Variants in CEP85 observed in about 807,000 individuals in gnomAD.
CEP85 encodes centrosomal protein 85.
A neutral mutation model predicts 93.7 loss-of-function variants in CEP85; 58 were observed. The observed-to-expected ratio is 0.62, with a 90% CI of 0.50 to 0.77. The LOEUF is 0.77. CEP85 is among the 30% of genes least tolerant of loss of function. CEP85 has a pLI of 0.00. For missense variants in CEP85, 868 were observed against 922.0 expected (o/e 0.94, Z 0.76); for synonymous variants, 314 against 338.6 (o/e 0.93, Z 0.80).
intron 7 of CEP85, among the ~76,000 whole-genome samples, chr1:26,267,610 G>A (rs1483817302): frequency 2.6e-5 from 4 of 152,136 alleles, no homozygotes; most frequent in Non-Finnish European, 4.4e-5. Flanking sequence ...AATGACATAG[G>A]GTGAGGTCCA....
intron 1 of CEP85, among the ~76,000 whole-genome samples, chr1:26,235,310 A>G (rs145068229): frequency 0.017 from 2,632 of 152,264 alleles, 46 homozygotes; most frequent in Non-Finnish European, 0.025. Flanking sequence ...TTTGCCCTCA[A>G]ACCTTGTCTG....
chr1:26,271,933 G>A (rs2089980490), intron 10 of CEP85, 88 bp from the exon 11 acceptor site: 1 of 1,107,510 alleles, frequency 9.0e-7, no homozygotes, highest in African/African-American at 1.5e-5. Flanking sequence ...CTAATAGCCA[G>A]ACCACATGTC....
rs2089570197 is a variant in CEP85 at position 26,249,465 on chromosome 1, T to G, written c.208+5147T>G. 2.0e-5 allele frequency among the ~76,000 whole-genome samples: 3 copies of G among 152,368 alleles called. No individual in the cohort carries two copies. In the South Asian group the frequency reaches 6.2e-4, roughly 32 times the overall value. On this transcript the variant is annotated intron_variant, in intron 3 of 13. Transcript: ENST00000451429. ...GAACCCCTGTGACTGGTATACAGTATAGTTCATTGTTGCATCTTTAAATTT... is the reference window on the plus strand; with the variant it reads ...GAACCCCTGTGACTGGTATACAGTAGAGTTCATTGTTGCATCTTTAAATTT...
chr1:26,261,817 A>C (rs566722763), intron 7 of CEP85, among the ~76,000 whole-genome samples: 1 of 151,862 alleles, frequency 6.6e-6, no homozygotes, highest in African/African-American at 2.4e-5. Context: ...TTCAATTTTT[A>C]TTTCTGCATG....
chr1:26,255,833 G>A lies in CEP85; in HGVS notation c.871G>A (p.Glu291Lys). The A allele has an allele frequency of 6.2e-7, 1 of 1,612,276 alleles. No homozygotes were observed. Among genetic ancestry groups the A allele is most frequent in the Non-Finnish European group, 8.5e-7 (1 of 1,178,716 alleles). Residue 291 changes from glutamate to lysine, a missense_variant, in exon 4 of 14, where the codon GAA becomes AAA. Physicochemically the swap from Glu to Lys is moderately conservative, Grantham distance 56. Transcript: ENST00000451429. Reference sequence around the variant, plus strand: ...ACTCAGCACTTGTCGGCAGCAGCTGGAATTGATTCGTTTACAGATGGAGCA... The same window carrying A: ...ACTCAGCACTTGTCGGCAGCAGCTGAAATTGATTCGTTTACAGATGGAGCA... The part of the protein sequence containing the change: ...CELSTCRQQL[E>K]LIRLQMEQMQ...
chr1:26,250,700 GT>G (rs2089592655), intron 3 of CEP85, among the ~76,000 whole-genome samples: 1 of 152,024 alleles, frequency 6.6e-6, no homozygotes, highest in South Asian at 2.1e-4. Flanking sequence ...CTTGGCTTTG[GT>G]TTTGGCATTA....
chr1:26,267,902 C>A (rs1009210515), intron 7 of CEP85, among the ~76,000 whole-genome samples: 1 of 152,202 alleles, frequency 6.6e-6, no homozygotes, highest in African/African-American at 2.4e-5. Context: ...ATCTGGCCCA[C>A]TCCTGTCCAA....
At chr1:26,250,598 A>C (rs1388496297) in intron 3 of CEP85, among the ~76,000 whole-genome samples, 1 of 152,244 alleles carries the variant, frequency 6.6e-6, no homozygotes, top group East Asian at 1.9e-4. Context: ...AAATGTGGAC[A>C]AAGACCTCAC....
intron 11 of CEP85, among the ~76,000 whole-genome samples, chr1:26,274,731 G>A (rs1484515443): frequency 6.6e-6 from 1 of 152,202 alleles, no homozygotes; most frequent in Non-Finnish European, 1.5e-5. Context: ...GTAGGTAGGA[G>A]CTACAGTGGC....
intron 1 of CEP85, among the ~76,000 whole-genome samples, chr1:26,234,825 G>A (rs1323142701): frequency 6.6e-6 from 1 of 152,218 alleles, no homozygotes; most frequent in East Asian, 1.9e-4. Context: ...ACTTGGCGGG[G>A]CCTTACCCCG....
intron 10 of CEP85, chr1:26,271,350 G>A (rs2089973217): frequency 2.4e-6 from 1 of 410,772 alleles, no homozygotes; most frequent in Non-Finnish European, 4.5e-6. Flanking sequence ...ATATGCCTCT[G>A]AATATCTAGA....
chr1:26,261,508 A>G (rs2089807973), intron 7 of CEP85, among the ~76,000 whole-genome samples: 1 of 152,150 alleles, frequency 6.6e-6, no homozygotes, highest in Non-Finnish European at 1.5e-5. Flanking sequence ...GTGAGTTTAA[A>G]AAAATAATAA....
At position 26,274,970 on chromosome 1, in the gene CEP85, G is replaced by C. The variant is rs1051366116; in HGVS notation, c.1801G>C (p.Glu601Gln). Residue 601 changes from glutamate to glutamine, a missense_variant, in exon 12 of 14, where the codon GAG becomes CAG. Glu to Gln is a conservative substitution (Grantham distance 29). Coordinates refer to ENST00000451429, the MANE Select transcript of CEP85 (RefSeq NM_001319944.2). ...ATCTTGCTGTGTGATTCAGAGCCTA[G>C]AGCAGGAAGTGGCTCAAGAAGAAGG... Reference protein sequence around the residue: ...DQLRSQVQSLEQEVAQEEGTS... With the variant: ...DQLRSQVQSLQQEVAQEEGTS... 2 of 1,568,680 alleles carry C rather than the reference G, an allele frequency of 1.3e-6. No individual in the cohort carries two copies. Among genetic ancestry groups the C allele is most frequent in the Non-Finnish European group, 1.7e-6 (2 of 1,156,720 alleles).
At chr1:26,236,394 C>CTTT (rs1417786817) in intron 1 of CEP85, among the ~76,000 whole-genome samples, 1 of 141,102 alleles carries the variant, frequency 7.1e-6, no homozygotes, top group African/African-American at 2.6e-5. Context: ...CTGTTGGGTG[C>CTTT]TTTTTTTTTT....
chr1:26,252,915 C>T (rs111869562), intron 3 of CEP85, among the ~76,000 whole-genome samples: 2,732 of 152,250 alleles, frequency 0.018, 87 homozygotes, highest in African/African-American at 0.062. Flanking sequence ...CTGCTCCCAG[C>T]TTCTGGTAAC....
intron 5 of CEP85, 36 bp from the exon 6 acceptor site, chr1:26,258,107 A>T (rs531374686): frequency 5.4e-6 from 8 of 1,493,586 alleles, no homozygotes; most frequent in Admixed American, 1.7e-5. Flanking sequence ...AGGGGTTAGC[A>T]TCAGGACCCT....
At chr1:26,276,469 C>A (rs74675743) in intron 12 of CEP85, 66 bp from the exon 13 acceptor site, 1 of 1,299,916 alleles carries the variant, frequency 7.7e-7, no homozygotes, top group Non-Finnish European at 1.1e-6. Flanking sequence ...CACCCACACA[C>A]TCATGCACAG....
chr1:26,258,422 C>G (rs2124587293), intron 6 of CEP85, among the ~76,000 whole-genome samples, 162 bp downstream of exon 6: 1 of 152,226 alleles, frequency 6.6e-6, no homozygotes, highest in South Asian at 2.1e-4. Context: ...TTTATCATGC[C>G]CTTGTGGGAG....
rs200413973 is a variant in CEP85 at position 26,275,040 on chromosome 1, C to T, written c.1871C>T (p.Ala624Val). The change falls in exon 12 of 14, where the codon GCC (alanine) becomes GTC (valine). Residue 624 changes from alanine (A) to valine (V), a missense_variant. Coordinates refer to ENST00000451429, the MANE Select transcript of CEP85 (RefSeq NM_001319944.2). ...GAGGAGGCCCAGCGAAGGGATTCAG[C>T]CCTGCAGCAGCTGCGCACAGCCGTG... ...LREEAQRRDS[A>V]LQQLRTAVKE... 1.0e-5 allele frequency: 16 copies of T among 1,583,104 alleles called. No homozygotes were observed. Among genetic ancestry groups the T allele is most frequent in the Middle Eastern group, 3.3e-4 (2 of 6,020 alleles).
Sources: gnomAD v4.1 joint callset for allele counts (sites outside exome capture counted in the v4.1 genomes callset) on GRCh38, gnomAD v4.1.1 for gene constraint, MANE v1.5 for transcripts, NCBI Gene and HGNC (gene_info 2026-07-23, HGNC 2026-07-21) for gene names.